The following DMPK variants were observed in gnomAD, a reference collection of about 807,000 sequenced individuals.
DMPK encodes myotonin-protein kinase.
DMPK carries 32 observed loss-of-function variants against 70.3 expected under a neutral mutation model. The observed-to-expected ratio is 0.46, with a 90% confidence interval of 0.34 to 0.61. DMPK has a LOEUF of 0.61. Ranked by LOEUF, DMPK falls within the 20% of genes least tolerant of loss-of-function variation. DMPK has a pLI of 0.01. For synonymous variants in DMPK, 469 were observed against 390.9 expected, an observed-to-expected ratio of 1.20 and a Z score of -2.36; for missense variants, 899 against 886.0, an observed-to-expected ratio of 1.01 and a Z score of -0.19.
rs1406312164 is a variant in DMPK, at chr19:45,771,409, G to A, written c.1601-13C>T. On this transcript the variant is annotated splice_polypyrimidine_tract_variant and intron_variant, in intron 12 of 14. Coordinates refer to ENST00000291270, the MANE Select transcript of DMPK (RefSeq NM_004409.5). ...ACCCCCGTGACAGCTGGAAGGAGAA[G>A]AAAGAGGCATAGGGCGCGTGGAGGG... 1.9e-6 allele frequency: 3 copies of A among 1,609,036 alleles called. No homozygotes were observed. The highest frequency in any genetic ancestry group is 1.7e-6 in the Non-Finnish European group (2 of 1,178,460).
chr19:45,772,362 C>T (rs547932881), intron 10 of DMPK: 2 of 387,404 alleles, frequency 5.2e-6, no homozygotes, highest in Admixed American at 4.7e-5. Flanking sequence ...TCTCGCCTGA[C>T]CACTTGGCAC....
Position 45,777,289 on chromosome 19 carries a change from G to A in DMPK, c.1146+38C>T. The A allele has an allele frequency of 2.0e-6, 3 of 1,526,992 alleles. No homozygotes were observed. Among genetic ancestry groups the A allele is most frequent in the Non-Finnish European group, 2.6e-6 (3 of 1,138,278 alleles). The allele number at this position is 1,526,992 out of a possible 1,614,324, so 94.6% of individuals were successfully genotyped here. ...TCCAACTTTATGGAGGGAGCATGGG[G>A]AGGTTCCCGCAGCCGAGCAGGGGCC... is the stretch of plus-strand genomic sequence containing the variant. On this transcript the variant is annotated intron_variant, in intron 8 of 14. Transcript: ENST00000291270. The surrounding 1 kb of genome is among the most constrained non-coding windows in gnomAD (Gnocchi z 6.7).
intron 9 of DMPK, among the ~76,000 whole-genome samples, chr19:45,774,082 T>C (rs1969636883): frequency 6.6e-6 from 1 of 150,518 alleles, no homozygotes. Flanking sequence ...GCCTCCTGAG[T>C]AGCTGGGATT....
chr19:45,774,825 T>G (rs1969686161), intron 9 of DMPK, 124 bp downstream of exon 9: 1 of 690,986 alleles, frequency 1.4e-6, no homozygotes, highest in South Asian at 1.8e-5. Flanking sequence ...CTCTTAGGAG[T>G]CTTTGGGCCC....
intron 10 of DMPK, 178 bp downstream of exon 10, chr19:45,772,463 T>C: frequency 2.0e-6 from 1 of 501,156 alleles, no homozygotes; most frequent in Non-Finnish European, 3.5e-6. Flanking sequence ...CCTTACTTAA[T>C]GCCCCACTGT....
chr19:45,775,062 C>G, intron 8 of DMPK, 28 bp from the exon 9 acceptor site: 1 of 1,595,270 alleles, frequency 6.3e-7, no homozygotes, highest in Non-Finnish European at 8.6e-7. Flanking sequence ...ATGTGAGCAG[C>G]AGTCGTCAGG....
intron 1 of DMPK, 145 bp from the exon 2 acceptor site, chr19:45,780,014 A>C: frequency 6.4e-7 from 1 of 1,553,228 alleles, no homozygotes; most frequent in Non-Finnish European, 8.7e-7. Flanking sequence ...GGGCTTCCCC[A>C]CATAAACACC....
chr19:45,780,190 G>A (rs1407626579), intron 1 of DMPK: 7 of 1,453,526 alleles, frequency 4.8e-6, no homozygotes, highest in South Asian at 1.5e-5. Context: ...AAGGGGAGAA[G>A]GAAATAAGAC....
At position 45,770,602 on chromosome 19, in the gene DMPK, G is replaced by A. The variant is rs867485313; in HGVS notation, c.1776C>T (p.Leu592=). Residue 592 remains leucine, a synonymous_variant, in exon 15 of 15, where the codon CTC becomes CTT. Transcript: ENST00000291270. The stretch of plus-strand genomic sequence containing the variant: ...CACGAGACAGAACAACGGCGAACAG[G>A]AGCAGGGAAAGCGCCTCCGATAGGC... ...RPGLSEALSL[L]LFAVVLSRAA... 5.2e-6 allele frequency: 8 copies of A among 1,552,962 alleles called. No homozygotes were observed. Among genetic ancestry groups the A allele is most frequent in the Middle Eastern group, 3.3e-4 (2 of 6,016 alleles).
Position 45,779,532 on chromosome 19 carries a change from A to T in DMPK, c.253-10T>A. 1 of 1,613,630 alleles carries T rather than the reference A, an allele frequency of 6.2e-7. No individual in the cohort carries two copies. The highest frequency in any genetic ancestry group is 8.5e-7 in the Non-Finnish European group (1 of 1,179,920). On this transcript the variant is annotated splice_polypyrimidine_tract_variant and intron_variant, in intron 2 of 14. Transcript: ENST00000291270. ...TCTTCACTACCGCTACCTGAGGTCGAGATAGTGAGACAGAGTGGAGACGGC... is the reference window on the plus strand; with the variant it reads ...TCTTCACTACCGCTACCTGAGGTCGTGATAGTGAGACAGAGTGGAGACGGC...
intron 1 of DMPK, chr19:45,780,452 C>T (rs191164250): frequency 5.5e-4 from 689 of 1,261,598 alleles, no homozygotes; most frequent in Non-Finnish European, 6.6e-4. Flanking sequence ...TGCTCCGGTC[C>T]AGCCCATCTC....
chr19:45,776,431 C>A (rs1463343129), intron 8 of DMPK, among the ~76,000 whole-genome samples: 1 of 151,870 alleles, frequency 6.6e-6, no homozygotes, highest in East Asian at 1.9e-4. Flanking sequence ...GCGTGAGCCA[C>A]CACGCCCGGC....
Position 45,771,407 on chromosome 19 carries a change from A to G in DMPK, c.1601-11T>C. ...GGACCCCCGTGACAGCTGGAAGGAG[A>G]AGAAAGAGGCATAGGGCGCGTGGAG... On this transcript the variant is annotated splice_polypyrimidine_tract_variant and intron_variant, in intron 12 of 14. Coordinates refer to ENST00000291270, the MANE Select transcript of DMPK (RefSeq NM_004409.5). The G allele has an allele frequency of 6.2e-7, 1 of 1,607,524 alleles. No individual in the cohort carries two copies. Among genetic ancestry groups the G allele is most frequent in the Non-Finnish European group, 8.5e-7 (1 of 1,177,944 alleles).
rs550895847 is a variant in DMPK at position 45,778,888 on chromosome 19, T to C, written c.433-247A>G. Reference sequence around the variant, plus strand: ...TGTCACTGGGCAGATTCACTCCCCCTGAGATGTTCTGGGAAAGAGAACCCA... The same window carrying C: ...TGTCACTGGGCAGATTCACTCCCCCCGAGATGTTCTGGGAAAGAGAACCCA... On this transcript the variant is annotated intron_variant, in intron 4 of 14. Coordinates refer to ENST00000291270, the MANE Select transcript of DMPK (RefSeq NM_004409.5). 331 of 508,450 alleles carry C rather than the reference T, an allele frequency of 6.5e-4. 1 individual carries two copies. Among genetic ancestry groups the C allele is most frequent in the Admixed American group, 4.8e-4 (12 of 25,216 alleles). 31.5% of individuals were successfully genotyped at this position (508,450 alleles called of 1,614,324 possible).
Position 45,779,829 on chromosome 19 carries a change from C to G in DMPK, c.201G>C (p.Gln67His). 1 of 1,595,820 alleles carries G rather than the reference C, an allele frequency of 6.3e-7. No homozygotes were observed. Among genetic ancestry groups the G allele is most frequent in the Non-Finnish European group, 8.6e-7 (1 of 1,169,348 alleles). Residue 67 changes from glutamine to histidine, a missense_variant, in exon 2 of 15, where the codon CAG (glutamine) becomes CAC (histidine). This residue lies in a region of DMPK where 149 missense variants were observed against 142.5 expected (regional missense o/e 1.05). Transcript: ENST00000291270. ...IVVRLKEVRLQRDDFEILKVI... is the reference protein window; with the variant it reads ...IVVRLKEVRLHRDDFEILKVI... Reference sequence around the variant, plus strand: ...CCTTCAGAATCTCGAAGTCGTCCCTCTGCAGTCGGACCTCCTTAAGCCTCA... The same window carrying G: ...CCTTCAGAATCTCGAAGTCGTCCCTGTGCAGTCGGACCTCCTTAAGCCTCA...
chr19:45,773,043 C>T (rs2146231957), intron 9 of DMPK, among the ~76,000 whole-genome samples: 1 of 152,328 alleles, frequency 6.6e-6, no homozygotes, highest in East Asian at 1.9e-4. Context: ...TCATCTCCTC[C>T]CTTGACATGT....
At position 45,771,830 on chromosome 19, in the gene DMPK, G is replaced by T; in HGVS notation, c.1443C>A (p.Thr481=). 1 of 1,573,400 alleles carries T rather than the reference G, an allele frequency of 6.4e-7. No homozygotes were observed. Among genetic ancestry groups the T allele is most frequent in the Non-Finnish European group, 8.6e-7 (1 of 1,159,500 alleles). Residue 481 remains threonine, a synonymous_variant, in exon 11 of 15, where the codon ACC becomes ACA. Coordinates refer to ENST00000291270, the MANE Select transcript of DMPK (RefSeq NM_004409.5). Reference sequence around the variant, plus strand: ...CCATCTCCCGGCTCAGGCTCTGCCGGGTGAGCACCTCCTCCTCCAGGGCTT... The same window carrying T: ...CCATCTCCCGGCTCAGGCTCTGCCGTGTGAGCACCTCCTCCTCCAGGGCTT... ...LQEALEEEVL[T]RQSLSREMEA...
chr19:45,780,302 A>T, intron 1 of DMPK: 1 of 1,558,882 alleles, frequency 6.4e-7, no homozygotes, highest in Non-Finnish European at 8.6e-7. Flanking sequence ...AACGGCCCAG[A>T]CGTGGGGTTG....
intron 1 of DMPK, 158 bp from the exon 2 acceptor site, chr19:45,780,027 G>A (rs1479531319): frequency 4.5e-6 from 7 of 1,549,726 alleles, no homozygotes; most frequent in Non-Finnish European, 6.1e-6. Flanking sequence ...TAAACACCGT[G>A]TAAGGTTCTG....
Sources: gnomAD v4.1 joint callset for allele counts (sites outside exome capture counted in the v4.1 genomes callset) on GRCh38, gnomAD v4.1.1 for gene constraint, gnomAD v4.1.1 regional missense constraint, Gnocchi (gnomAD v3.1) non-coding constraint, MANE v1.5 for transcripts, NCBI Gene and HGNC (gene_info 2026-07-23, HGNC 2026-07-21) for gene names.